Variants in B3GNT2 observed in about 807,000 individuals in gnomAD.
The protein encoded by B3GNT2 is N-acetyllactosaminide beta-1,3-N-acetylglucosaminyltransferase 2.
Under a neutral mutation model 27.6 loss-of-function variants are expected in B3GNT2, and 12 were observed. The ratio of observed to expected loss-of-function variants is 0.44; its 90% confidence interval spans 0.28 to 0.71. The LOEUF (loss-of-function observed/expected upper bound fraction) is 0.71, where lower values mean the gene tolerates loss of function less well. Ranked by LOEUF, B3GNT2 falls within the 30% of genes least tolerant of loss-of-function variation. B3GNT2 has a pLI of 0.17. For synonymous variants in B3GNT2, 192 were observed against 189.7 expected, an observed-to-expected ratio of 1.01 and a Z score of -0.10; for missense variants, 413 against 488.5, an observed-to-expected ratio of 0.85 and a Z score of 1.46.
chr2:62,219,508 C>T (rs1230240780), intron 1 of B3GNT2, among the ~76,000 whole-genome samples: 1 of 152,166 alleles, frequency 6.6e-6, no homozygotes. Context: ...CTCCTGGCCT[C>T]AAGTGATCTG....
intron 1 of B3GNT2, among the ~76,000 whole-genome samples, chr2:62,221,372 TTC>T (rs1674688504): frequency 6.6e-6 from 1 of 152,264 alleles, no homozygotes; most frequent in South Asian, 2.1e-4. Flanking sequence ...TGCTTTCATT[TTC>T]TCTGTCTGAG....
At chr2:62,197,670 C>A (rs1264423057) in intron 1 of B3GNT2, among the ~76,000 whole-genome samples, 5 of 152,216 alleles carry the variant, frequency 3.3e-5, no homozygotes, top group African/African-American at 1.2e-4. Context: ...ACAAATTCTT[C>A]CGGTATAATT....
Position 62,197,505 on chromosome 2 carries a change from G to A in B3GNT2, c.-10+1150G>A, listed in dbSNP as rs4672480. Among the ~76,000 whole-genome samples the A allele has an allele frequency of 1.2e-3, 188 of 152,336 alleles. 3 individuals are homozygous for A. The highest frequency in any genetic ancestry group is 0.011 in the Admixed American group (173 of 15,308). ...GAGTGGGCTTAGCTCACAGGTGCCT[G>A]AGCTGTATCCCCGTGGCCGCCTCAG... On this transcript the variant is annotated intron_variant, in intron 1 of 1. Coordinates refer to ENST00000301998, the MANE Select transcript of B3GNT2 (RefSeq NM_006577.6).
intron 1 of B3GNT2, among the ~76,000 whole-genome samples, chr2:62,198,724 A>G (rs1263849671): frequency 6.6e-6 from 1 of 152,234 alleles, no homozygotes; most frequent in Non-Finnish European, 1.5e-5. Context: ...CTGATAAACT[A>G]AAGTTGTGCT....
Position 62,198,372 on chromosome 2 carries a change from C to T in B3GNT2, c.-10+2017C>T, listed in dbSNP as rs921859243. 7.8e-4 allele frequency among the ~76,000 whole-genome samples: 119 copies of T among 152,288 alleles called. 1 individual carries two copies. Among genetic ancestry groups the T allele is most frequent in the Non-Finnish European group, 1.2e-4 (8 of 68,024 alleles). ...GGACAAATAGGATGTTTGCCAAACT[C>T]CTAGCACTGCACCAGGAGAGCTAAG... On this transcript the variant is annotated intron_variant, in intron 1 of 1. Transcript: ENST00000301998.
intron 1 of B3GNT2, among the ~76,000 whole-genome samples, chr2:62,211,712 C>T: frequency 6.6e-6 from 1 of 152,196 alleles, no homozygotes; most frequent in Non-Finnish European, 1.5e-5. Context: ...CCACCAGCTC[C>T]TCCCTGCCCT....
chr2:62,198,954 T>C (rs934987653), intron 1 of B3GNT2, among the ~76,000 whole-genome samples: 3 of 152,226 alleles, frequency 2.0e-5, no homozygotes, highest in Non-Finnish European at 4.4e-5. Flanking sequence ...TTTTCTTTTT[T>C]TTTTGAAATG....
intron 1 of B3GNT2, among the ~76,000 whole-genome samples, chr2:62,219,473 C>A (rs1203776365): frequency 1.3e-5 from 2 of 152,168 alleles, no homozygotes; most frequent in East Asian, 3.9e-4. Flanking sequence ...CAGGGTTTTG[C>A]TGTGTTGGCC....
At chr2:62,212,275 C>A (rs569397738) in intron 1 of B3GNT2, among the ~76,000 whole-genome samples, 40 of 152,270 alleles carry the variant, frequency 2.6e-4, no homozygotes, top group African/African-American at 8.7e-4. Context: ...ATCTGTTGCT[C>A]TGTTTTCTGC....
intron 1 of B3GNT2, among the ~76,000 whole-genome samples, chr2:62,200,917 C>T (rs535464332): frequency 1.3e-5 from 2 of 152,264 alleles, no homozygotes; most frequent in Admixed American, 6.5e-5. Flanking sequence ...GTCTCAGTTA[C>T]GTATGGGAAT....
At chr2:62,205,290 T>C (rs1334896991) in intron 1 of B3GNT2, among the ~76,000 whole-genome samples, 1 of 152,264 alleles carries the variant, frequency 6.6e-6, no homozygotes, top group Non-Finnish European at 1.5e-5. Flanking sequence ...AAAACTTTTC[T>C]TGGCGGGTGG....
chr2:62,217,256 G>A (rs1674593480), intron 1 of B3GNT2, among the ~76,000 whole-genome samples: 1 of 152,296 alleles, frequency 6.6e-6, no homozygotes, highest in East Asian at 1.9e-4. Context: ...GTTTGCTTCC[G>A]TGATTGTGTG....
At chr2:62,203,378 T>C (rs1674307840) in intron 1 of B3GNT2, among the ~76,000 whole-genome samples, 1 of 152,018 alleles carries the variant, frequency 6.6e-6, no homozygotes, top group Non-Finnish European at 1.5e-5. Context: ...TGGGAGTCTG[T>C]AGTGATGTCT....
chr2:62,223,344 T>C lies in B3GNT2; in HGVS notation c.1124T>C (p.Val375Ala). ...NICSYVDLMLVHSRKPQEMID... is the reference protein window; with the variant it reads ...NICSYVDLMLAHSRKPQEMID... ...TGCTCCTATGTAGATCTGATGTTAG[T>C]ACATAGTAGAAAACCTCAAGAGATG... Residue 375 changes from valine to alanine, a missense_variant, in exon 2 of 2, where the codon GTA (valine) becomes GCA (alanine). By Grantham distance (64) the Val-to-Ala change is moderately conservative. Transcript: ENST00000301998. 1 of 1,614,108 alleles carries C rather than the reference T, an allele frequency of 6.2e-7. No individual in the cohort carries two copies. Among genetic ancestry groups the C allele is most frequent in the Non-Finnish European group, 8.5e-7 (1 of 1,180,000 alleles).
At chr2:62,221,325 C>T (rs886916774) in intron 1 of B3GNT2, among the ~76,000 whole-genome samples, 5 of 152,290 alleles carry the variant, frequency 3.3e-5, no homozygotes, top group African/African-American at 4.8e-5. Context: ...TGGGCTGTTG[C>T]CAGTTCTTGG....
intron 1 of B3GNT2, among the ~76,000 whole-genome samples, chr2:62,211,312 C>T (rs1170265706): frequency 6.6e-6 from 1 of 152,128 alleles, no homozygotes; most frequent in East Asian, 1.9e-4. Context: ...GCTGTGATTG[C>T]GCCACTGCAC....
rs1421706558 is a variant in B3GNT2, at chr2:62,222,169, A to G, written c.-9-43A>G. The G allele has an allele frequency of 1.3e-6, 2 of 1,496,070 alleles. No homozygotes were observed. The highest frequency in any genetic ancestry group is 1.4e-5 in the African/African-American group (1 of 71,278). The allele number at this position is 1,496,070 out of a possible 1,614,324, so 92.7% of individuals were successfully genotyped here. A position where few individuals can be genotyped will look rare whatever the true frequency, so the allele number is the denominator to read the frequency against. On this transcript the variant is annotated intron_variant, in intron 1 of 1. Coordinates refer to ENST00000301998, the MANE Select transcript of B3GNT2 (RefSeq NM_006577.6). The surrounding 1 kb of genome is among the most constrained non-coding windows in gnomAD (Gnocchi z 4.2). ...AAAATAAATTGTATGTGCAAATGCA[A>G]ATTGATAAGTAATTGATACAATACT...
Position 62,223,964 on chromosome 2 carries a change from C to T in B3GNT2, c.*550C>T, listed in dbSNP as rs1194975811. Reference sequence around the variant, plus strand: ...TCAATTGTGGAAATTTCCTGCCACCCCAACAGTATTTTTGTGTGTTAATTA... The same window carrying T: ...TCAATTGTGGAAATTTCCTGCCACCTCAACAGTATTTTTGTGTGTTAATTA... On this transcript the variant is annotated 3_prime_UTR_variant, in exon 2 of 2. Coordinates refer to ENST00000301998, the MANE Select transcript of B3GNT2 (RefSeq NM_006577.6). 6.0e-6 allele frequency: 1 copy of T among 167,236 alleles called. No individual in the cohort carries two copies. The highest frequency in any genetic ancestry group is 1.9e-4 in the East Asian group (1 of 5,200). The allele number at this position is 167,236 out of a possible 1,614,324, so 10.4% of individuals were successfully genotyped here.
At chr2:62,216,559 C>A (rs940309923) in intron 1 of B3GNT2, among the ~76,000 whole-genome samples, 1 of 152,078 alleles carries the variant, frequency 6.6e-6, no homozygotes, top group Non-Finnish European at 1.5e-5. Context: ...GTGCATGCCA[C>A]TACACCCAGC....
Sources: gnomAD v4.1 joint callset for allele counts (sites outside exome capture counted in the v4.1 genomes callset) on GRCh38, gnomAD v4.1.1 for gene constraint, Gnocchi (gnomAD v3.1) non-coding constraint, MANE v1.5 for transcripts, NCBI Gene and HGNC (gene_info 2026-07-23, HGNC 2026-07-21) for gene names.